The following CSMD1 variants were observed in gnomAD, a reference collection of about 807,000 sequenced individuals.
CSMD1 encodes CUB and Sushi multiple domains 1, also known as CUB and sushi domain-containing protein 1.
CSMD1 carries 213 observed loss-of-function variants against 417.5 expected under a neutral mutation model. That is an observed-to-expected ratio of 0.51 (90% confidence interval 0.46 to 0.57). The LOEUF is 0.57. Ranked by LOEUF, CSMD1 falls within the 20% of genes least tolerant of loss-of-function variation. CSMD1 has a pLI of 0.00. For synonymous variants in CSMD1, 2,862 were observed against 1,736.8 expected (o/e 1.65, Z -16.11); for missense variants, 6,923 against 4,529.7 (o/e 1.53, Z -15.17).
At chr8:3,487,169 A>T (rs1388188898) in intron 11 of CSMD1, among the ~76,000 whole-genome samples, 4 of 151,764 alleles carry the variant, frequency 2.6e-5, no homozygotes, top group Admixed American at 2.6e-4. Flanking sequence ...CTCTCTTCAG[A>T]CAACAGTGAT....
chr8:3,002,196 G>C (rs1377350438), intron 52 of CSMD1, among the ~76,000 whole-genome samples: 7 of 152,196 alleles, frequency 4.6e-5, no homozygotes, highest in Admixed American at 4.6e-4. Context: ...GAACGTCGAT[G>C]AGGGTGAATG....
intron 10 of CSMD1, among the ~76,000 whole-genome samples, chr8:3,520,271 T>C (rs1202886039): frequency 6.6e-6 from 1 of 152,088 alleles, no homozygotes; most frequent in Admixed American, 6.6e-5. Flanking sequence ...CATACCAAAC[T>C]TGAAGTTTCA....
chr8:4,796,853 G>T (rs780251146), intron 1 of CSMD1, among the ~76,000 whole-genome samples: 2 of 152,160 alleles, frequency 1.3e-5, no homozygotes, highest in African/African-American at 2.4e-5. Context: ...AATTGCAAAG[G>T]TCTGGGGTCA....
At position 3,386,316 on chromosome 8, in the gene CSMD1, G is replaced by T. The variant is rs9886529; in HGVS notation, c.2782+1178C>A. Among the ~76,000 whole-genome samples the T allele has an allele frequency of 6.1e-3, 936 of 152,286 alleles. 10 individuals carry two copies. The highest frequency in any genetic ancestry group is 0.021 in the African/African-American group (877 of 41,554). ...TGCACCTCTTTCTCAGCCTGCTCGT[G>T]TGGCCCCACAGACGCCGAACTCGAC... is the stretch of plus-strand genomic sequence containing the variant. On this transcript the variant is annotated intron_variant, in intron 18 of 69. Transcript: ENST00000635120.
intron 3 of CSMD1, among the ~76,000 whole-genome samples, chr8:4,398,549 A>G (rs573349613): frequency 8.6e-5 from 13 of 151,838 alleles, no homozygotes; most frequent in East Asian, 3.9e-4. Context: ...GCCCGCCACC[A>G]TGCCCGGCCA....
chr8:4,400,872 A>G (rs969180563), intron 3 of CSMD1, among the ~76,000 whole-genome samples: 12 of 152,052 alleles, frequency 7.9e-5, no homozygotes, highest in Admixed American at 4.6e-4. Context: ...ATTGAACTCA[A>G]CATGGATTTA....
Position 3,235,329 on chromosome 8 carries a change from A to G in CSMD1, c.4154-5098T>C, listed in dbSNP as rs183572384. Among the ~76,000 whole-genome samples, 43 of 152,346 alleles carry G rather than the reference A, an allele frequency of 2.8e-4. No individual in the cohort carries two copies. In the East Asian group the frequency reaches 6.7e-3, roughly 24 times the overall value. ...TTTTATTTAATGTTTATCAAAAGAA[A>G]AGATATATAATACTCACTACTAGGA... On this transcript the variant is annotated intron_variant, in intron 26 of 69. Coordinates refer to ENST00000635120, the MANE Select transcript of CSMD1 (RefSeq NM_033225.6).
At chr8:3,438,793 T>A (rs1012958608) in intron 12 of CSMD1, among the ~76,000 whole-genome samples, 3 of 151,730 alleles carry the variant, frequency 2.0e-5, no homozygotes, top group Non-Finnish European at 2.9e-5. Context: ...AATTGTCGGG[T>A]CATATGATAA....
At chr8:2,941,795 A>G (rs932531782) in intron 69 of CSMD1, among the ~76,000 whole-genome samples, 1 of 152,250 alleles carries the variant, frequency 6.6e-6, no homozygotes, top group Non-Finnish European at 1.5e-5. Flanking sequence ...TGAAACATCT[A>G]TCAATCACAG....
At chr8:4,703,966 T>A (rs137979201) in intron 1 of CSMD1, among the ~76,000 whole-genome samples, 157 of 152,246 alleles carry the variant, frequency 1.0e-3, no homozygotes, top group Non-Finnish European at 1.9e-3. Context: ...CCCTCACACA[T>A]GCAGTTCACA....
chr8:3,332,120 G>C, intron 23 of CSMD1, among the ~76,000 whole-genome samples: 1 of 152,186 alleles, frequency 6.6e-6, no homozygotes, highest in Admixed American at 6.5e-5. Context: ...GATGATAGAT[G>C]ATGACAGGTA....
At chr8:4,834,489 T>C (rs936957871) in intron 1 of CSMD1, among the ~76,000 whole-genome samples, 1 of 151,952 alleles carries the variant, frequency 6.6e-6, no homozygotes, top group Non-Finnish European at 1.5e-5. Context: ...GGCAGTGAAG[T>C]TCGAGCTGAG....
chr8:4,751,114 G>A (rs1372759145), intron 1 of CSMD1, among the ~76,000 whole-genome samples: 1 of 152,234 alleles, frequency 6.6e-6, no homozygotes. Flanking sequence ...CCTGGGAGCA[G>A]TGGCTCAGGC....
Position 4,212,751 on chromosome 8 carries a change from C to CTTTTTTTTTTTTTTTTTTTTTTTTT in CSMD1, c.416-180677_416-180653dup, listed in dbSNP as rs5889027. Among the ~76,000 whole-genome samples the CTTTTTTTTTTTTTTTTTTTTTTTTT allele has an allele frequency of 1.7e-4, 17 of 99,226 alleles. 1 individual carries two copies. The highest frequency in any genetic ancestry group is 7.2e-4 in the African/African-American group (17 of 23,460). The allele number at this position is 99,226 out of a possible 152,430, so 65.1% of individuals were successfully genotyped here. On this transcript the variant is annotated intron_variant, in intron 3 of 69. Coordinates refer to ENST00000635120, the MANE Select transcript of CSMD1 (RefSeq NM_033225.6). ...AAAAGTTTACAACAGCGGCCTTATT[C>CTTTTTTTTTTTTTTTTTTTTTTTTT]TTTTTTTTTTTTTTTTTTTTTTTTT...
chr8:3,532,871 C>A (rs1289035146), intron 10 of CSMD1, among the ~76,000 whole-genome samples: 1 of 152,138 alleles, frequency 6.6e-6, no homozygotes, highest in East Asian at 1.9e-4. Context: ...TAATTTCACA[C>A]TGAGATCTAT....
chr8:3,223,724 G>T lies in CSMD1; in HGVS notation c.4484+5C>A. 6.2e-7 allele frequency: 1 copy of T among 1,613,572 alleles called. No homozygotes were observed. The highest frequency in any genetic ancestry group is 8.5e-7 in the Non-Finnish European group (1 of 1,179,638). On this transcript the variant is annotated splice_donor_5th_base_variant and intron_variant, in intron 28 of 69. Transcript: ENST00000635120. ...TAAAAAGAGGTATTCTGCAAGAGACGGTACCTTTTGAATATCAAGGCGATG... is the reference window on the plus strand; with the variant it reads ...TAAAAAGAGGTATTCTGCAAGAGACTGTACCTTTTGAATATCAAGGCGATG...
chr8:3,566,953 C>A (rs1294442693), intron 10 of CSMD1, among the ~76,000 whole-genome samples: 1 of 152,168 alleles, frequency 6.6e-6, no homozygotes, highest in East Asian at 1.9e-4. Flanking sequence ...ATAAATTGTT[C>A]TATCATAAAG....
At chr8:4,063,270 A>G (rs1316634990) in intron 3 of CSMD1, among the ~76,000 whole-genome samples, 1 of 127,324 alleles carries the variant, frequency 7.9e-6, no homozygotes, top group Non-Finnish European at 1.8e-5. Flanking sequence ...CAGTTATTAC[A>G]TAGAACAAAA....
At chr8:4,606,892 C>A (rs1030996910) in intron 2 of CSMD1, among the ~76,000 whole-genome samples, 1 of 152,144 alleles carries the variant, frequency 6.6e-6, no homozygotes, top group Non-Finnish European at 1.5e-5. Flanking sequence ...CGTGAACTTT[C>A]TCCCCATTAT....
Sources: gnomAD v4.1 joint callset for allele counts (sites outside exome capture counted in the v4.1 genomes callset) on GRCh38, gnomAD v4.1.1 for gene constraint, MANE v1.5 for transcripts, NCBI Gene and HGNC (gene_info 2026-07-23, HGNC 2026-07-21) for gene names.